Variants in KLHL17 observed in about 807,000 individuals in gnomAD.
KLHL17 encodes kelch like family member 17, also known as kelch-like protein 17.
In KLHL17, 71 loss-of-function variants were observed where a neutral mutation model predicts 64.6. The observed-to-expected ratio is 1.10, with a 90% CI of 0.91 to 1.34. The LOEUF is 1.34. KLHL17 is among the 40% of genes most tolerant of loss of function. The probability of loss-of-function intolerance (pLI) is 0.00; values close to 1 mark genes in which losing one functional copy is unlikely to be tolerated. For synonymous variants in KLHL17, 612 were observed against 405.4 expected (o/e 1.51, Z -6.12); for missense variants, 1,140 against 935.0 (o/e 1.22, Z -2.86).
chr1:965,328 GTTAT>G lies in KLHL17; in HGVS notation c.*142_*145del. On this transcript the variant is annotated 3_prime_UTR_variant, in exon 12 of 12. Coordinates refer to ENST00000338591, the MANE Select transcript of KLHL17 (RefSeq NM_198317.3). ...CTTTATTTAGTTGTTTATTTATTTA[GTTAT>G]TTATCTTATTTATTGAGGGGTGAGG... is the stretch of plus-strand genomic sequence containing the variant. 1.4e-6 allele frequency: 1 copy of G among 721,916 alleles called. No homozygotes were observed. The highest frequency in any genetic ancestry group is 2.8e-5 in the East Asian group (1 of 35,996). 44.7% of individuals were successfully genotyped at this position (721,916 alleles called of 1,614,324 possible).
chr1:963,179 G>T lies in KLHL17; in HGVS notation c.1113G>T (p.Val371=), dbSNP rs754123134. Residue 371 remains valine, a synonymous_variant, in exon 7 of 12, where the codon GTG becomes GTT. Coordinates refer to ENST00000338591, the MANE Select transcript of KLHL17 (RefSeq NM_198317.3). The part of the protein sequence containing the change: ...AYDTRTDRWH[V]VASMSTRRAR... ...ACACGCGCACCGACCGCTGGCACGT[G>T]GTGGCCTCCATGTCCACGCGCCGGG... 4 of 1,609,738 alleles carry T rather than the reference G, an allele frequency of 2.5e-6. No individual in the cohort carries two copies. The highest frequency in any genetic ancestry group is 3.4e-6 in the Non-Finnish European group (4 of 1,177,932).
At position 962,691 on chromosome 1, in the gene KLHL17, C is replaced by T. The variant is rs776642656; in HGVS notation, c.829-13C>T. 23 of 1,576,192 alleles carry T rather than the reference C, an allele frequency of 1.5e-5. No homozygotes were observed. Among genetic ancestry groups the T allele is most frequent in the East Asian group, 2.2e-5 (1 of 44,578 alleles). On this transcript the variant is annotated splice_polypyrimidine_tract_variant and intron_variant, in intron 5 of 11. Transcript: ENST00000338591. ...GAGGGTCCCGCCTGACCTTGGCGTT[C>T]CCTGCACCCCAGCTCATGAAGTGTG...
intron 4 of KLHL17, 26 bp downstream of exon 4, chr1:962,073 G>GTCCC: frequency 6.4e-7 from 1 of 1,559,852 alleles, no homozygotes; most frequent in South Asian, 1.1e-5. Context: ...CCCAGCCCTC[G>GTCCC]CCCCCCACCC....
chr1:962,290 C>G (rs550203526), intron 4 of KLHL17, 65 bp from the exon 5 acceptor site: 18 of 1,608,240 alleles, frequency 1.1e-5, no homozygotes, highest in Non-Finnish European at 1.5e-5. Flanking sequence ...TCCTAGGCAT[C>G]TTCAGGGCTC....
Position 961,530 on chromosome 1 carries a change from C to G in KLHL17, c.345C>G (p.Pro115=), listed in dbSNP as rs1642645805. Residue 115 remains proline (P), a synonymous_variant, in exon 2 of 12, where the codon CCC becomes CCG. Coordinates refer to ENST00000338591, the MANE Select transcript of KLHL17 (RefSeq NM_198317.3). ...AHKVVLASCS[P]YFHAMFTNEM... is the part of the protein sequence containing the mutation. ...AAGTGGTGCTGGCCTCCTGCAGCCCCTACTTCCACGCCATGTTCACAAGCA... is the reference window on the plus strand; with the variant it reads ...AAGTGGTGCTGGCCTCCTGCAGCCCGTACTTCCACGCCATGTTCACAAGCA... 1.9e-6 allele frequency: 3 copies of G among 1,612,516 alleles called. No homozygotes were observed. Among genetic ancestry groups the G allele is most frequent in the Non-Finnish European group, 1.7e-6 (2 of 1,179,978 alleles).
rs372775936 is a variant in KLHL17 at position 963,331 on chromosome 1, C to T, written c.1188-6C>T. The T allele has an allele frequency of 2.5e-5, 40 of 1,606,568 alleles. No individual in the cohort carries two copies. The African/African-American group carries it at 3.2e-4, about 13-fold the overall frequency. On this transcript the variant is annotated splice_polypyrimidine_tract_variant and splice_region_variant and intron_variant, in intron 7 of 11. Coordinates refer to ENST00000338591, the MANE Select transcript of KLHL17 (RefSeq NM_198317.3). ...GTCTTGACCTGCAGTGGCTTAATTCCGCTAGCTATGATGGGACCTCAGACC... is the reference window on the plus strand; with the variant it reads ...GTCTTGACCTGCAGTGGCTTAATTCTGCTAGCTATGATGGGACCTCAGACC...
In KLHL17 at chr1:963,464, T is replaced by C; in HGVS notation, c.1315T>C (p.Tyr439His). ...TGTGGCCGCCTTGCATGGACTCCTG[T>C]ACTCGGCCGGCGGCTATGACGGGGC... ...LGVAALHGLL[Y>H]SAGGYDGASC... Residue 439 changes from tyrosine to histidine, a missense_variant, in exon 8 of 12, where the codon TAC (tyrosine) becomes CAC (histidine). By Grantham distance (83) the Tyr-to-His change is moderately conservative (BLOSUM62 2). Transcript: ENST00000338591. The C allele has an allele frequency of 6.2e-7, 1 of 1,611,388 alleles. No homozygotes were observed. The highest frequency in any genetic ancestry group is 8.5e-7 in the Non-Finnish European group (1 of 1,178,896).
chr1:965,033 C>T lies in KLHL17; in HGVS notation c.1771C>T (p.Leu591Phe). The change falls in exon 12 of 12, where the codon CTC becomes TTC. Residue 591 changes from leucine to phenylalanine, a missense_variant. Transcript: ENST00000338591. ...GGGGGGTAACGACGGTAGCTCCAGC[C>T]TCAACTCCATCGAGAAGTACAACCC... ...AVGGNDGSSSLNSIEKYNPRT... is the reference protein window; with the variant it reads ...AVGGNDGSSSFNSIEKYNPRT... The T allele has an allele frequency of 6.2e-7, 1 of 1,612,686 alleles. No individual in the cohort carries two copies. Among genetic ancestry groups the T allele is most frequent in the South Asian group, 1.1e-5 (1 of 91,088 alleles).
chr1:964,537 A>T lies in KLHL17; in HGVS notation c.1700+7A>T. 2.0e-6 allele frequency: 3 copies of T among 1,469,758 alleles called. No homozygotes were observed. The highest frequency in any genetic ancestry group is 2.7e-6 in the Non-Finnish European group (3 of 1,101,466). The allele number at this position is 1,469,758 out of a possible 1,614,324, so 91.0% of individuals were successfully genotyped here. On this transcript the variant is annotated splice_region_variant and intron_variant, in intron 11 of 11. Transcript: ENST00000338591. ...CGCCCATGAATATCCGCAGGTCCGC[A>T]GTGGGGCTGCGGGGAGGGGGGCGCG...
At position 961,286 on chromosome 1, in the gene KLHL17, C is replaced by G; in HGVS notation, c.108-7C>G. Reference sequence around the variant, plus strand: ...GGGGCGAAGCCTGACCCGCCCGCCTCCTGCAGCCCCGAGGCAGAGCGCACG... The same window carrying G: ...GGGGCGAAGCCTGACCCGCCCGCCTGCTGCAGCCCCGAGGCAGAGCGCACG... On this transcript the variant is annotated splice_polypyrimidine_tract_variant and splice_region_variant and intron_variant, in intron 1 of 11. Coordinates refer to ENST00000338591, the MANE Select transcript of KLHL17 (RefSeq NM_198317.3). 2.0e-6 allele frequency: 3 copies of G among 1,474,810 alleles called. No homozygotes were observed. The South Asian group carries it at 3.9e-5, about 19-fold the overall frequency. The allele number at this position is 1,474,810 out of a possible 1,614,324, so 91.4% of individuals were successfully genotyped here.
rs1642756828 is a variant in KLHL17 at position 963,560 on chromosome 1, T to C, written c.1355+56T>C. 11 of 1,537,994 alleles carry C rather than the reference T, an allele frequency of 7.2e-6. No homozygotes were observed. The South Asian group carries it at 9.7e-5, about 14-fold the overall frequency. On this transcript the variant is annotated intron_variant, in intron 8 of 11. Transcript: ENST00000338591. ...TACAGTCCATCTGCAAGAGGCAAGT[T>C]TGTGTCACCATCACAGGGGTCGTAT... is the stretch of plus-strand genomic sequence containing the variant.
Position 961,843 on chromosome 1 carries a change from C to T in KLHL17, c.507C>T (p.Ala169=), listed in dbSNP as rs747108280. The change falls in exon 4 of 12, where the codon GCC becomes GCT. Residue 169 remains alanine (A), a synonymous_variant. Coordinates refer to ENST00000338591, the MANE Select transcript of KLHL17 (RefSeq NM_198317.3). The part of the protein sequence containing the change: ...EGNVQTLLPA[A]SLLQLNGVRD... ...CCCCGTAGACTCTGCTCCCAGCCGC[C>T]AGTCTCCTGCAGCTGAATGGCGTCC... 3.1e-6 allele frequency: 5 copies of T among 1,610,784 alleles called. No individual in the cohort carries two copies. The East Asian group carries it at 8.9e-5, about 29-fold the overall frequency.
At position 964,119 on chromosome 1, in the gene KLHL17, AT is replaced by A. The variant is rs754125690; in HGVS notation, c.1458del (p.Tyr486Ter). Reference sequence around the variant, plus strand: ...TGACTTCCGGCAGATGGGAACCTGTATGCTGTGGGCGGCTACGACAGCTCCT... The same window carrying A: ...TGACTTCCGGCAGATGGGAACCTGTAGCTGTGGGCGGCTACGACAGCTCCT... ...VRVATLDGNL[Y>X]AVGGYDSSSH... On this transcript the variant is annotated frameshift_variant, in exon 10 of 12. Transcript: ENST00000338591. LOFTEE classifies it high-confidence loss of function. 6.2e-7 allele frequency: 1 copy of A among 1,612,672 alleles called. No individual in the cohort carries two copies. The highest frequency in any genetic ancestry group is 1.1e-5 in the South Asian group (1 of 91,086).
rs558156467 is a variant in KLHL17 at position 961,286 on chromosome 1, C to A, written c.108-7C>A. 101 of 1,474,810 alleles carry A rather than the reference C, an allele frequency of 6.8e-5. No individual in the cohort carries two copies. The East Asian group carries it at 2.7e-3, about 39-fold the overall frequency. The allele number at this position is 1,474,810 out of a possible 1,614,324, so 91.4% of individuals were successfully genotyped here. On this transcript the variant is annotated splice_polypyrimidine_tract_variant and splice_region_variant and intron_variant, in intron 1 of 11. Transcript: ENST00000338591. ...GGGGCGAAGCCTGACCCGCCCGCCTCCTGCAGCCCCGAGGCAGAGCGCACG... is the reference window on the plus strand; with the variant it reads ...GGGGCGAAGCCTGACCCGCCCGCCTACTGCAGCCCCGAGGCAGAGCGCACG...
chr1:964,052 A>G lies in KLHL17; in HGVS notation c.1444+44A>G, dbSNP rs752539777. 6.2e-6 allele frequency: 10 copies of G among 1,612,374 alleles called. No individual in the cohort carries two copies. In the South Asian group the frequency reaches 1.1e-4, roughly 18 times the overall value. ...CTGGGGGGCATCCCCACCTTCCCCC[A>G]CCGTGGAGACCCCACTCCCAGCAGG... On this transcript the variant is annotated intron_variant, in intron 9 of 11. Coordinates refer to ENST00000338591, the MANE Select transcript of KLHL17 (RefSeq NM_198317.3).
rs757617487 is a variant in KLHL17 at position 963,927 on chromosome 1, C to T, written c.1363C>T (p.Arg455Cys). ...CGGTCCTGGTGCCCACAGTGCTGAA[C>T]GCTACGACCCCCTGACCGGAACGTG... ...DGASCLNSAE[R>C]YDPLTGTWTS... The change falls in exon 9 of 12, where the codon CGC becomes TGC. Residue 455 changes from arginine to cysteine, a missense_variant. By Grantham distance (180) the Arg-to-Cys change is radical. Coordinates refer to ENST00000338591, the MANE Select transcript of KLHL17 (RefSeq NM_198317.3). The T allele has an allele frequency of 9.3e-6, 15 of 1,612,200 alleles. No homozygotes were observed. The highest frequency in any genetic ancestry group is 3.3e-5 in the Admixed American group (2 of 60,000).
intron 6 of KLHL17, 74 bp downstream of exon 6, chr1:962,991 G>A (rs1362016990): frequency 6.6e-7 from 1 of 1,518,786 alleles, no homozygotes; most frequent in Admixed American, 2.0e-5. Context: ...CCCCACCTGT[G>A]CCGGTCAGGT....
In KLHL17 at chr1:964,122, C is replaced by T; in HGVS notation, c.1460C>T (p.Ala487Val). The change falls in exon 10 of 12, where the codon GCT becomes GTT. Residue 487 changes from alanine to valine, a missense_variant. Physicochemically the swap from Ala to Val is moderately conservative, Grantham distance 64 (BLOSUM62 0). Transcript: ENST00000338591. Reference sequence around the variant, plus strand: ...CTTCCGGCAGATGGGAACCTGTATGCTGTGGGCGGCTACGACAGCTCCTCA... The same window carrying T: ...CTTCCGGCAGATGGGAACCTGTATGTTGTGGGCGGCTACGACAGCTCCTCA... ...RVATLDGNLY[A>V]VGGYDSSSHL... The T allele has an allele frequency of 1.2e-6, 2 of 1,612,704 alleles. No homozygotes were observed. The highest frequency in any genetic ancestry group is 1.7e-6 in the Non-Finnish European group (2 of 1,179,914).
chr1:963,802 C>A, intron 8 of KLHL17, 118 bp from the exon 9 acceptor site: 4 of 1,186,886 alleles, frequency 3.4e-6, no homozygotes, highest in Non-Finnish European at 4.9e-6. Flanking sequence ...TAGGACTTTG[C>A]GGTCTGAGTT....
Sources: gnomAD v4.1 joint callset for allele counts on GRCh38, gnomAD v4.1.1 for gene constraint, MANE v1.5 for transcripts, NCBI Gene and HGNC (gene_info 2026-07-23, HGNC 2026-07-21) for gene names.